The following TOR1AIP1 variants were observed in gnomAD, a reference collection of about 807,000 sequenced individuals.
TOR1AIP1 encodes the protein torsin-1A-interacting protein 1.
In TOR1AIP1, 54 loss-of-function variants were observed where a neutral mutation model predicts 63.3. That is an observed-to-expected ratio of 0.85 (90% CI 0.69 to 1.07). TOR1AIP1 has a LOEUF of 1.07. Among genes scored for constraint, TOR1AIP1 ranks in the 50% least tolerant of loss-of-function variants. TOR1AIP1 has a pLI of 0.00. For missense variants in TOR1AIP1, 736 were observed against 715.0 expected, an observed-to-expected ratio of 1.03 and a Z score of -0.33; for synonymous variants, 294 against 273.5, an observed-to-expected ratio of 1.07 and a Z score of -0.74.
chr1:179,902,107 C>T (rs1456665602), intron 5 of TOR1AIP1, among the ~76,000 whole-genome samples: 1 of 149,676 alleles, frequency 6.7e-6, no homozygotes, highest in East Asian at 2.0e-4. Context: ...CTCACTGCAG[C>T]CTCTGCCTCC....
In TOR1AIP1 at chr1:179,882,949, A is replaced by T. The variant is rs148333948; in HGVS notation, c.447A>T (p.Arg149Ser). The T allele has an allele frequency of 1.9e-6, 3 of 1,613,426 alleles. No individual in the cohort carries two copies. Among genetic ancestry groups the T allele is most frequent in the Non-Finnish European group, 1.7e-6 (2 of 1,179,842 alleles). Residue 149 changes from arginine to serine, a missense_variant, in exon 1 of 10, where the codon AGA becomes AGT. Transcript: ENST00000606911. ...PLQPSPVMTRRGLRDSHSSEE... is the reference protein window; with the variant it reads ...PLQPSPVMTRSGLRDSHSSEE... Reference sequence around the variant, plus strand: ...AGCCGTCTCCTGTTATGACCAGGAGAGGGCTGCGGGACTCTCATTCCTCTG... The same window carrying T: ...AGCCGTCTCCTGTTATGACCAGGAGTGGGCTGCGGGACTCTCATTCCTCTG...
intron 2 of TOR1AIP1, among the ~76,000 whole-genome samples, chr1:179,888,867 A>C (rs756025328): frequency 2.6e-5 from 4 of 152,206 alleles, no homozygotes; most frequent in Non-Finnish European, 5.9e-5. Context: ...GCATTTCTTC[A>C]ACACAAGGTT....
At position 179,918,363 on chromosome 1, in the gene TOR1AIP1, C is replaced by A; in HGVS notation, c.*124C>A. The A allele has an allele frequency of 1.2e-6, 1 of 844,890 alleles. No homozygotes were observed. Among genetic ancestry groups the A allele is most frequent in the Non-Finnish European group, 1.8e-6 (1 of 561,352 alleles). The allele number at this position is 844,890 out of a possible 1,614,324, so 52.3% of individuals were successfully genotyped here. ...TCTTTTTAAAGAAGTTAAGTGCTTA[C>A]ATAAACATGGAACATATAAATCATT... is the stretch of plus-strand genomic sequence containing the variant. On this transcript the variant is annotated 3_prime_UTR_variant, in exon 10 of 10. Coordinates refer to ENST00000606911, the MANE Select transcript of TOR1AIP1 (RefSeq NM_015602.4).
At chr1:179,914,432 C>T (rs1178374082) in intron 9 of TOR1AIP1, among the ~76,000 whole-genome samples, 2 of 152,196 alleles carry the variant, frequency 1.3e-5, no homozygotes, top group Non-Finnish European at 2.9e-5. Context: ...GGACCACTTA[C>T]CTCCTTTACA....
intron 5 of TOR1AIP1, among the ~76,000 whole-genome samples, chr1:179,902,060 C>G (rs952474052): frequency 1.5e-5 from 2 of 130,040 alleles, no homozygotes; most frequent in African/African-American, 5.9e-5. Flanking sequence ...GAGTCTCACT[C>G]TGTCACCCAT....
rs775745076 is a variant in TOR1AIP1 at position 179,914,055 on chromosome 1, G to GT, written c.964+2dup. On this transcript the variant is annotated splice_donor_variant, in intron 9 of 9. Transcript: ENST00000606911. LOFTEE classifies it high-confidence loss of function. ...CAGTCACCATCAACCTCCAGCCGAC[G>GT]TAAGTTTATGTATTCAGTTTTTATT... 3 of 1,612,172 alleles carry GT rather than the reference G, an allele frequency of 1.9e-6. No homozygotes were observed. The highest frequency in any genetic ancestry group is 2.5e-6 in the Non-Finnish European group (3 of 1,178,896).
intron 2 of TOR1AIP1, 120 bp from the exon 3 acceptor site, chr1:179,889,193 T>C: frequency 1.5e-6 from 1 of 665,830 alleles, no homozygotes; most frequent in Non-Finnish European, 2.3e-6. Flanking sequence ...TCTCTACTTC[T>C]CTAGCGTAAA....
At chr1:179,883,060 C>G (rs753586767) in intron 1 of TOR1AIP1, 83 bp downstream of exon 1, 1 of 1,243,328 alleles carries the variant, frequency 8.0e-7, no homozygotes, top group African/African-American at 1.5e-5. Flanking sequence ...AGCTCATGCC[C>G]GCCTGGGTAC....
Position 179,882,372 on chromosome 1 carries a change from C to T in TOR1AIP1, c.-131C>T. On this transcript the variant is annotated 5_prime_UTR_variant, in exon 1 of 10. Transcript: ENST00000606911. ...GCGACGACGCAGGCGGCGGCCCCAG[C>T]GACTCGCAACTGCCTCCCTGACCAC... The T allele has an allele frequency of 2.2e-6, 2 of 928,194 alleles. No individual in the cohort carries two copies. Among genetic ancestry groups the T allele is most frequent in the Non-Finnish European group, 3.0e-6 (2 of 676,856 alleles). The allele number at this position is 928,194 out of a possible 1,614,324, so 57.5% of individuals were successfully genotyped here.
At chr1:179,887,250 C>T (rs1177999571) in intron 2 of TOR1AIP1, among the ~76,000 whole-genome samples, 11 of 151,970 alleles carry the variant, frequency 7.2e-5, no homozygotes, top group Non-Finnish European at 1.5e-4. Flanking sequence ...AATACAAAAA[C>T]TAGCCAGGCG....
At chr1:179,903,258 T>TAA (rs1228768460) in intron 5 of TOR1AIP1, among the ~76,000 whole-genome samples, 2 of 149,678 alleles carry the variant, frequency 1.3e-5, no homozygotes, top group Non-Finnish European at 3.0e-5. Context: ...CTCCATCTCT[T>TAA]AAAAAAAAAG....
intron 2 of TOR1AIP1, among the ~76,000 whole-genome samples, chr1:179,885,928 A>G (rs1647897375): frequency 6.6e-6 from 1 of 152,088 alleles, no homozygotes; most frequent in Admixed American, 6.6e-5. Flanking sequence ...TTTAGTAGAC[A>G]TAGGTTTTCA....
intron 1 of TOR1AIP1, 128 bp from the exon 2 acceptor site, chr1:179,884,564 C>A: frequency 1.5e-6 from 1 of 684,472 alleles, no homozygotes; most frequent in Non-Finnish European, 2.4e-6. Context: ...TAAACCTAAC[C>A]ACCTGTTTCT....
At chr1:179,908,447 T>A (rs1648720610) in intron 7 of TOR1AIP1, among the ~76,000 whole-genome samples, 158 bp from the exon 8 acceptor site, 1 of 152,240 alleles carries the variant, frequency 6.6e-6, no homozygotes, top group Non-Finnish European at 1.5e-5. Context: ...ACTGATACGA[T>A]CCTTTGAAAT....
At chr1:179,894,397 A>G (rs1648200612) in intron 3 of TOR1AIP1, among the ~76,000 whole-genome samples, 2 of 151,934 alleles carry the variant, frequency 1.3e-5, no homozygotes, top group Non-Finnish European at 1.5e-5. Context: ...ACAAGAAGAA[A>G]GGAAACAAGC....
At chr1:179,906,273 C>T (rs1648631338) in intron 6 of TOR1AIP1, among the ~76,000 whole-genome samples, 1 of 152,068 alleles carries the variant, frequency 6.6e-6, no homozygotes, top group Admixed American at 6.6e-5. Flanking sequence ...CATAATATTT[C>T]TATGTTCAAT....
At chr1:179,886,265 A>G (rs16854900) in intron 2 of TOR1AIP1, among the ~76,000 whole-genome samples, 4,377 of 152,316 alleles carry the variant, frequency 0.029, 217 homozygotes, top group African/African-American at 0.1. Context: ...GTAAATTGGT[A>G]TAATGAAGAC....
intron 4 of TOR1AIP1, among the ~76,000 whole-genome samples, chr1:179,900,926 C>T (rs1352138079): frequency 1.3e-5 from 2 of 152,138 alleles, no homozygotes; most frequent in Non-Finnish European, 2.9e-5. Context: ...ACCACCAACA[C>T]ACACACACAA....
Position 179,908,652 on chromosome 1 carries a change from A to G in TOR1AIP1, c.886A>G (p.Arg296Gly). 1 of 1,613,612 alleles carries G rather than the reference A, an allele frequency of 6.2e-7. No individual in the cohort carries two copies. Among genetic ancestry groups the G allele is most frequent in the South Asian group, 1.1e-5 (1 of 91,076 alleles). ...CCAGGAATGGGCCCCACAAACTGCA[A>G]GAATAAGGACCAGGATGCAAAGTAA... ...TPQEWAPQTA[R>G]IRTRMQNDSI... The change falls in exon 8 of 10, where the codon AGA becomes GGA. Residue 296 changes from arginine to glycine, a missense_variant. Physicochemically the swap from Arg to Gly is moderately radical, Grantham distance 125 (BLOSUM62 -2). Around this residue, in one of 2 missense-constraint regions of TOR1AIP1, gnomAD observed 272 missense variants for 344.1 expected, o/e 0.79. Coordinates refer to ENST00000606911, the MANE Select transcript of TOR1AIP1 (RefSeq NM_015602.4).
Sources: allele counts gnomAD v4.1 joint callset (sites outside exome capture counted in the v4.1 genomes callset), GRCh38; gene constraint gnomAD v4.1.1; regional missense constraint gnomAD v4.1.1; transcripts MANE v1.5; gene names NCBI Gene and HGNC (gene_info 2026-07-23, HGNC 2026-07-21).